PLXDC1: variants seen among roughly 807,000 people sequenced by gnomAD.
PLXDC1 encodes the protein plexin domain containing 1, also known as plexin domain-containing protein 1.
In PLXDC1, 39 loss-of-function variants were observed where a neutral mutation model predicts 61.3. That is an observed-to-expected ratio of 0.64 (90% CI 0.49 to 0.83). PLXDC1 has a LOEUF of 0.83. PLXDC1 is among the 40% of genes least tolerant of loss of function. The pLI is 0.00. For synonymous variants in PLXDC1, 212 were observed against 254.5 expected (o/e 0.83, Z 1.59); for missense variants, 596 against 666.5 (o/e 0.89, Z 1.17).
chr17:39,092,427 T>C (rs916637204), intron 7 of PLXDC1, among the ~76,000 whole-genome samples: 1 of 152,226 alleles, frequency 6.6e-6, no homozygotes, highest in Non-Finnish European at 1.5e-5. Context: ...AAACATCTAC[T>C]TAAACGAGAA....
rs150458825 is a variant in PLXDC1, at chr17:39,106,169, T to A, written c.712-216A>T. On this transcript the variant is annotated intron_variant, in intron 6 of 13. Transcript: ENST00000315392. ...TTTCCTCTGTCTCGGTGAATGGCAC[T>A]CCATGCAGGCCGGAAACCCGGGACA... Among the ~76,000 whole-genome samples the A allele has an allele frequency of 7.8e-3, 1,184 of 151,940 alleles. 6 individuals carry two copies. The highest frequency in any genetic ancestry group is 0.055 in the Middle Eastern group (16 of 292).
At chr17:39,076,325 A>G (rs920296592) in intron 11 of PLXDC1, among the ~76,000 whole-genome samples, 1 of 151,298 alleles carries the variant, frequency 6.6e-6, no homozygotes, top group African/African-American at 2.4e-5. Flanking sequence ...CCCGGGCAAC[A>G]TAGTGAGACC....
chr17:39,120,605 G>GTTT, intron 2 of PLXDC1, among the ~76,000 whole-genome samples: 1 of 94,232 alleles, frequency 1.1e-5, no homozygotes, highest in Non-Finnish European at 2.2e-5. Flanking sequence ...ATTTATTTTA[G>GTTT]GTTTTTTTTT....
chr17:39,145,607 G>A (rs2143976964), intron 1 of PLXDC1, among the ~76,000 whole-genome samples: 1 of 152,228 alleles, frequency 6.6e-6, no homozygotes, highest in Admixed American at 6.5e-5. Context: ...TGTCCCACAG[G>A]CTGAGAAAAA....
intron 2 of PLXDC1, among the ~76,000 whole-genome samples, chr17:39,121,303 C>T (rs942118314): frequency 6.6e-6 from 1 of 152,050 alleles, no homozygotes; most frequent in African/African-American, 2.4e-5. Context: ...TATGACTTTG[C>T]CGGTAACTTC....
chr17:39,077,189 G>A (rs1173874308), intron 11 of PLXDC1, among the ~76,000 whole-genome samples: 1 of 152,102 alleles, frequency 6.6e-6, no homozygotes, highest in Non-Finnish European at 1.5e-5. Context: ...TATTGAAAAA[G>A]GATAAGGGAG....
At chr17:39,097,182 T>C (rs559251004) in intron 7 of PLXDC1, among the ~76,000 whole-genome samples, 1 of 152,092 alleles carries the variant, frequency 6.6e-6, no homozygotes, top group South Asian at 2.1e-4. Context: ...GATTCCTAAA[T>C]AGTGAGGAAT....
At chr17:39,093,092 A>G (rs1910015741) in intron 7 of PLXDC1, among the ~76,000 whole-genome samples, 1 of 152,208 alleles carries the variant, frequency 6.6e-6, no homozygotes, top group Admixed American at 6.5e-5. Flanking sequence ...TGTTCGAGAC[A>G]GGGTCTCACT....
rs1254665306 is a variant in PLXDC1, at chr17:39,097,958, A to T, written c.811+7896T>A. On this transcript the variant is annotated intron_variant, in intron 7 of 13. Coordinates refer to ENST00000315392, the MANE Select transcript of PLXDC1 (RefSeq NM_020405.5). ...AACGGCTCACGCCTGTAATCCCGGC[A>T]CTTTGGGAGGCCAAGGTGGGCGGAT... 3.3e-5 allele frequency among the ~76,000 whole-genome samples: 5 copies of T among 150,118 alleles called. No individual in the cohort carries two copies. The East Asian group carries it at 9.8e-4, about 29-fold the overall frequency.
At chr17:39,089,900 C>G (rs1456861918) in intron 7 of PLXDC1, among the ~76,000 whole-genome samples, 5 of 152,136 alleles carry the variant, frequency 3.3e-5, no homozygotes, top group Non-Finnish European at 7.4e-5. Flanking sequence ...CAGGTTCAAG[C>G]AATTCTCCTG....
intron 2 of PLXDC1, among the ~76,000 whole-genome samples, chr17:39,131,287 AC>A (rs1389551166): frequency 6.6e-6 from 1 of 152,004 alleles, no homozygotes; most frequent in Non-Finnish European, 1.5e-5. Context: ...ACTGGAGACG[AC>A]ATCTGCACTC....
chr17:39,079,120 T>C lies in PLXDC1; in HGVS notation c.1034A>G (p.Tyr345Cys). 1.2e-6 allele frequency: 2 copies of C among 1,613,752 alleles called. No individual in the cohort carries two copies. Among genetic ancestry groups the C allele is most frequent in the Middle Eastern group, 3.3e-4 (2 of 6,054 alleles). ...FDRYRQEWMDYGCAQEAEGRM... is the reference protein window; with the variant it reads ...FDRYRQEWMDCGCAQEAEGRM... ...GCTTCTCACCTCCTGTGCACAGCCA[T>C]AGTCCATCCACTCCTGGCGATAGCG... Residue 345 changes from tyrosine (Y) to cysteine (C), a missense_variant, in exon 10 of 14, where the codon TAT becomes TGT. Tyr to Cys is a radical substitution (Grantham distance 194). Transcript: ENST00000315392.
intron 2 of PLXDC1, among the ~76,000 whole-genome samples, chr17:39,136,465 C>T (rs1911755879): frequency 4.6e-5 from 7 of 152,130 alleles, no homozygotes. Context: ...CCAGGCTGGT[C>T]TCCAACTCCT....
intron 11 of PLXDC1, among the ~76,000 whole-genome samples, chr17:39,073,874 AC>A (rs1330589831): frequency 2.0e-5 from 3 of 152,174 alleles, no homozygotes; most frequent in African/African-American, 7.2e-5. Flanking sequence ...TGTGACAGCT[AC>A]TTGCCACTCA....
At chr17:39,124,732 T>C (rs560119964) in intron 2 of PLXDC1, among the ~76,000 whole-genome samples, 60 of 152,222 alleles carry the variant, frequency 3.9e-4, no homozygotes, top group Non-Finnish European at 6.9e-4. Context: ...CTGTTCCAGA[T>C]AGCTAAAGAG....
At chr17:39,114,219 C>G (rs1219800993) in intron 2 of PLXDC1, among the ~76,000 whole-genome samples, 1 of 152,210 alleles carries the variant, frequency 6.6e-6, no homozygotes, top group Non-Finnish European at 1.5e-5. Flanking sequence ...AACGGAAACA[C>G]AAATCCTTCC....
chr17:39,109,284 G>A lies in PLXDC1; in HGVS notation c.363C>T (p.Ile121=). The change falls in exon 3 of 14, where the codon ATC becomes ATT. Residue 121 remains isoleucine (I), a synonymous_variant. Coordinates refer to ENST00000315392, the MANE Select transcript of PLXDC1 (RefSeq NM_020405.5). ...GGTGGGTGTTGGAGAGTATTGTGTG[G>A]ATCTTCACTTGGCTCCGGTTGGCCT... ...VAEANRSQVK[I]HTILSNTHRQ... 6.2e-7 allele frequency: 1 copy of A among 1,613,164 alleles called. No individual in the cohort carries two copies. The highest frequency in any genetic ancestry group is 8.5e-7 in the Non-Finnish European group (1 of 1,179,832).
intron 2 of PLXDC1, among the ~76,000 whole-genome samples, chr17:39,135,276 G>A (rs1046168350): frequency 3.3e-5 from 5 of 152,330 alleles, no homozygotes; most frequent in African/African-American, 7.2e-5. Flanking sequence ...GTGGACCCTC[G>A]ATGTGTAGCT....
chr17:39,101,508 G>A (rs1910418931), intron 7 of PLXDC1, among the ~76,000 whole-genome samples: 1 of 152,186 alleles, frequency 6.6e-6, no homozygotes, highest in African/African-American at 2.4e-5. Flanking sequence ...AAGGGAGGGT[G>A]AGGTGCGAGC....
Sources: gnomAD v4.1 joint callset for allele counts (sites outside exome capture counted in the v4.1 genomes callset) on GRCh38, gnomAD v4.1.1 for gene constraint, MANE v1.5 for transcripts, NCBI Gene and HGNC (gene_info 2026-07-23, HGNC 2026-07-21) for gene names.